DLC1: variants seen among roughly 807,000 people sequenced by gnomAD.
DLC1 encodes the protein DLC1 Rho GTPase activating protein.
Under a neutral mutation model 140.3 loss-of-function variants are expected in DLC1, and 54 were observed. The ratio of observed to expected loss-of-function variants is 0.38; its 90% CI spans 0.31 to 0.48. The LOEUF is 0.48. Among genes scored for constraint, DLC1 ranks in the 20% least tolerant of loss-of-function variants. The probability of loss-of-function intolerance (pLI) is 0.96; values close to 1 mark genes in which losing one functional copy is unlikely to be tolerated. For synonymous variants in DLC1, 986 were observed against 728.1 expected (o/e 1.35, Z -5.70); for missense variants, 2,536 against 1,907.0 (o/e 1.33, Z -6.14).
chr8:13,269,238 C>T (rs1224609401), intron 5 of DLC1, among the ~76,000 whole-genome samples: 1 of 152,124 alleles, frequency 6.6e-6, no homozygotes, highest in Admixed American at 6.5e-5. Context: ...AAAAGCAGTA[C>T]TATAGTCGTG....
At chr8:13,588,331 G>C (rs982441952) in intron 1 of DLC1, among the ~76,000 whole-genome samples, 1 of 152,132 alleles carries the variant, frequency 6.6e-6, no homozygotes, top group East Asian at 1.9e-4. Flanking sequence ...ATCCAGGAAA[G>C]GGAGAGGTTT....
At chr8:13,595,725 T>C (rs76277005) in intron 1 of DLC1, among the ~76,000 whole-genome samples, 2,012 of 152,172 alleles carry the variant, frequency 0.013, 49 homozygotes, top group African/African-American at 0.045. Context: ...TGAAAATATG[T>C]ATTTTTAACA....
At chr8:13,463,324 T>C (rs970220165) in intron 2 of DLC1, among the ~76,000 whole-genome samples, 1 of 152,118 alleles carries the variant, frequency 6.6e-6, no homozygotes, top group Admixed American at 6.5e-5. Flanking sequence ...ACTTGGGTGA[T>C]TGTAACCTCT....
At chr8:13,555,925 GGT>G (rs1470122015) in intron 1 of DLC1, among the ~76,000 whole-genome samples, 1 of 152,002 alleles carries the variant, frequency 6.6e-6, no homozygotes, top group African/African-American at 2.4e-5. Flanking sequence ...AATGTTTAAA[GGT>G]TTTGTAATAC....
intron 4 of DLC1, among the ~76,000 whole-genome samples, chr8:13,368,547 G>GAA (rs899419016): frequency 3.4e-5 from 5 of 147,802 alleles, no homozygotes; most frequent in Non-Finnish European, 7.5e-5. Flanking sequence ...TTTCTGCATA[G>GAA]AAAAAAAAGT....
At chr8:13,370,503 CCA>C (rs1359921435) in intron 4 of DLC1, among the ~76,000 whole-genome samples, 1 of 152,036 alleles carries the variant, frequency 6.6e-6, no homozygotes. Context: ...TCTTGGAGCT[CCA>C]CACAGAGATA....
chr8:13,153,491 A>G (rs990797309), intron 5 of DLC1, among the ~76,000 whole-genome samples: 1 of 152,198 alleles, frequency 6.6e-6, no homozygotes, highest in Non-Finnish European at 1.5e-5. Context: ...CACAGTGTGG[A>G]AAACGACCCA....
chr8:13,498,171 T>C (rs574911852), intron 2 of DLC1, among the ~76,000 whole-genome samples: 1 of 152,350 alleles, frequency 6.6e-6, no homozygotes, highest in African/African-American at 2.4e-5. Flanking sequence ...GTTTCTTCCA[T>C]GCCATTGGCC....
chr8:13,545,708 C>A (rs1012534623), intron 1 of DLC1, among the ~76,000 whole-genome samples: 28 of 152,090 alleles, frequency 1.8e-4, no homozygotes, highest in African/African-American at 6.7e-4. Context: ...GAATTCTACA[C>A]CTGGCTGAAC....
chr8:13,173,111 T>G (rs190825795), intron 5 of DLC1, among the ~76,000 whole-genome samples: 19 of 152,340 alleles, frequency 1.2e-4, no homozygotes, highest in Non-Finnish European at 2.5e-4. Context: ...CTTTGAAAGA[T>G]GCTTTATGGA....
At chr8:13,147,494 C>T (rs985840311) in intron 5 of DLC1, among the ~76,000 whole-genome samples, 1 of 152,178 alleles carries the variant, frequency 6.6e-6, no homozygotes, top group Non-Finnish European at 1.5e-5. Context: ...GTGGCTGATA[C>T]TGACCATGTG....
At chr8:13,390,187 T>C (rs1402470138) in intron 4 of DLC1, among the ~76,000 whole-genome samples, 1 of 152,076 alleles carries the variant, frequency 6.6e-6, no homozygotes, top group Non-Finnish European at 1.5e-5. Context: ...CCTAAAAGAA[T>C]AACAACACCA....
intron 5 of DLC1, among the ~76,000 whole-genome samples, chr8:13,138,308 G>C (rs138152678): frequency 2.0e-5 from 3 of 152,230 alleles, no homozygotes; most frequent in African/African-American, 7.2e-5. Context: ...ATTTTTTCCA[G>C]AACCCCTATA....
chr8:13,085,087 G>C lies in DLC1; in HGVS notation c.*724C>G, dbSNP rs944749036. ...TCGGGTCTAAAAATAAACTGCATTTGGAATGGGTGTAAGAGCCAACCTATT... is the reference window on the plus strand; with the variant it reads ...TCGGGTCTAAAAATAAACTGCATTTCGAATGGGTGTAAGAGCCAACCTATT... On this transcript the variant is annotated 3_prime_UTR_variant, in exon 18 of 18. Transcript: ENST00000276297. 1 of 152,180 alleles carries C rather than the reference G, an allele frequency of 6.6e-6. No individual in the cohort carries two copies. The highest frequency in any genetic ancestry group is 1.5e-5 in the Non-Finnish European group (1 of 68,048). 9.4% of individuals were successfully genotyped at this position (152,180 alleles called of 1,614,324 possible). A position where few individuals can be genotyped will look rare whatever the true frequency, so the allele number is the denominator to read the frequency against.
rs987715005 is a variant in DLC1, at chr8:13,505,436, G to T, written c.-125-5240C>A. On this transcript the variant is annotated intron_variant, in intron 1 of 17. Transcript: ENST00000276297. ...AGCTAAAAATAATTTAAAGTATTAT[G>T]ATATTGTGTGCCATTTGCTAAGAAA... 5.9e-5 allele frequency among the ~76,000 whole-genome samples: 9 copies of T among 152,120 alleles called. No individual in the cohort carries two copies. In the East Asian group the frequency reaches 7.7e-4, roughly 13 times the overall value.
At chr8:13,112,074 C>T (rs1044161151) in intron 6 of DLC1, among the ~76,000 whole-genome samples, 1 of 151,966 alleles carries the variant, frequency 6.6e-6, no homozygotes, top group African/African-American at 2.4e-5. Context: ...TCACCTGAGC[C>T]CCAGAGTTTG....
At chr8:13,215,321 C>G (rs1304367306) in intron 5 of DLC1, among the ~76,000 whole-genome samples, 1 of 152,212 alleles carries the variant, frequency 6.6e-6, no homozygotes, top group Admixed American at 6.5e-5. Context: ...CACAGTGGCT[C>G]ACGCCTGTAA....
chr8:13,548,326 C>T (rs1803723031), intron 1 of DLC1, among the ~76,000 whole-genome samples: 1 of 151,858 alleles, frequency 6.6e-6, no homozygotes, highest in Admixed American at 6.6e-5. Context: ...ACAAACTTGA[C>T]CGATATTTAT....
chr8:13,349,771 G>T (rs961116392), intron 4 of DLC1, among the ~76,000 whole-genome samples: 7 of 152,208 alleles, frequency 4.6e-5, no homozygotes, highest in African/African-American at 1.7e-4. Context: ...CAAGTGAATT[G>T]CTAGATTAGG....
Sources: allele counts gnomAD v4.1 joint callset (sites outside exome capture counted in the v4.1 genomes callset), GRCh38; gene constraint gnomAD v4.1.1; transcripts MANE v1.5; gene names NCBI Gene and HGNC (gene_info 2026-07-23, HGNC 2026-07-21).